Variants in FHIT observed in about 807,000 individuals in gnomAD.
FHIT encodes the protein bis(5'-adenosyl)-triphosphatase.
In FHIT, 19 loss-of-function variants were observed where a neutral mutation model predicts 17.9. The ratio of observed to expected loss-of-function variants is 1.06; its 90% CI spans 0.74 to 1.56. The LOEUF (loss-of-function observed/expected upper bound fraction) is 1.56, where lower values mean the gene tolerates loss of function less well. Among genes scored for constraint, FHIT ranks in the 40% most tolerant of loss-of-function variants. The pLI is 0.00. For synonymous variants in FHIT, 81 were observed against 69.7 expected, an observed-to-expected ratio of 1.16 and a Z score of -0.81; for missense variants, 248 against 189.2, an observed-to-expected ratio of 1.31 and a Z score of -1.82.
At chr3:60,975,922 C>T (rs1710213181) in intron 3 of FHIT, among the ~76,000 whole-genome samples, 1 of 151,972 alleles carries the variant, frequency 6.6e-6, no homozygotes, top group South Asian at 2.1e-4. Context: ...ATTACCAATG[C>T]CAATTTCAGA....
In FHIT at chr3:60,166,184, T is replaced by C. The variant is rs1325785099; in HGVS notation, c.104-152032A>G. 3.5e-5 allele frequency among the ~76,000 whole-genome samples: 5 copies of C among 143,704 alleles called. No individual in the cohort carries two copies. The East Asian group carries it at 6.2e-4, about 18-fold the overall frequency. The allele number at this position is 143,704 out of a possible 152,430, so 94.3% of individuals were successfully genotyped here. A position where few individuals can be genotyped will look rare whatever the true frequency, so the allele number is the denominator to read the frequency against. Reference sequence around the variant, plus strand: ...GGACTGTTTTTCCATAATTTGGGCTTGAAAAAAAATAGGGTTGTCAAAGCA... The same window carrying C: ...GGACTGTTTTTCCATAATTTGGGCTCGAAAAAAAATAGGGTTGTCAAAGCA... On this transcript the variant is annotated intron_variant, in intron 5 of 9. Transcript: ENST00000492590.
chr3:60,364,224 T>A (rs1353843586), intron 5 of FHIT, among the ~76,000 whole-genome samples: 1 of 152,250 alleles, frequency 6.6e-6, no homozygotes, highest in South Asian at 2.1e-4. Flanking sequence ...TCCATGCTTT[T>A]CTACACCTCT....
At chr3:60,096,506 T>C (rs1032123377) in intron 5 of FHIT, among the ~76,000 whole-genome samples, 11 of 152,210 alleles carry the variant, frequency 7.2e-5, no homozygotes, top group African/African-American at 1.4e-4. Context: ...ACCAGCAGTC[T>C]GGTCTTTCAG....
At chr3:60,633,663 T>C (rs1358491226) in intron 4 of FHIT, among the ~76,000 whole-genome samples, 4 of 152,206 alleles carry the variant, frequency 2.6e-5, no homozygotes, top group African/African-American at 9.6e-5. Context: ...GGAAACTGTA[T>C]GCTACTCGCA....
intron 5 of FHIT, among the ~76,000 whole-genome samples, chr3:60,199,695 T>A (rs561508118): frequency 6.6e-6 from 1 of 152,132 alleles, no homozygotes; most frequent in African/African-American, 2.4e-5. Flanking sequence ...ATATTTAAAT[T>A]TCCAGAACAT....
chr3:60,556,969 T>C (rs959014073), intron 4 of FHIT, among the ~76,000 whole-genome samples: 4 of 152,206 alleles, frequency 2.6e-5, no homozygotes, highest in Non-Finnish European at 5.9e-5. Flanking sequence ...CAAGGACATC[T>C]CCTGATGATA....
intron 5 of FHIT, among the ~76,000 whole-genome samples, chr3:60,109,844 G>T (rs1704593308): frequency 6.6e-6 from 1 of 152,134 alleles, no homozygotes. Context: ...CTGACCCACA[G>T]TAGCAGCCAA....
chr3:59,830,092 CA>C (rs1158006843), intron 8 of FHIT, among the ~76,000 whole-genome samples: 1 of 151,944 alleles, frequency 6.6e-6, no homozygotes, highest in Non-Finnish European at 1.5e-5. Flanking sequence ...CAAAACAAAA[CA>C]ACCCCCCCCT....
At chr3:60,204,589 C>A (rs571621968) in intron 5 of FHIT, among the ~76,000 whole-genome samples, 2 of 120,456 alleles carry the variant, frequency 1.7e-5, no homozygotes, top group South Asian at 4.9e-4. Flanking sequence ...CCCTTCCCAG[C>A]CTGAAAAGGT....
At chr3:60,890,841 A>G (rs918881601) in intron 3 of FHIT, among the ~76,000 whole-genome samples, 4 of 152,174 alleles carry the variant, frequency 2.6e-5, no homozygotes, top group Admixed American at 2.0e-4. Context: ...CCTTCAGGCA[A>G]CTTGGAGCCT....
chr3:61,099,722 C>G (rs1031249670), intron 2 of FHIT, among the ~76,000 whole-genome samples: 1 of 152,044 alleles, frequency 6.6e-6, no homozygotes, highest in Admixed American at 6.6e-5. Flanking sequence ...ATAATATACT[C>G]TGATAGTTAT....
At chr3:60,851,594 G>A (rs1354505522) in intron 3 of FHIT, among the ~76,000 whole-genome samples, 1 of 152,094 alleles carries the variant, frequency 6.6e-6, no homozygotes, top group African/African-American at 2.4e-5. Context: ...ATTGGCAAAA[G>A]TTCAATGCAC....
chr3:59,760,278 AAAGT>A (rs1178292105), intron 8 of FHIT, among the ~76,000 whole-genome samples: 1 of 152,194 alleles, frequency 6.6e-6, no homozygotes, highest in Non-Finnish European at 1.5e-5. Flanking sequence ...GTAACCCCCA[AAAGT>A]AAGTATTAAC....
chr3:60,162,540 T>G (rs760535398), intron 5 of FHIT, among the ~76,000 whole-genome samples: 1 of 152,206 alleles, frequency 6.6e-6, no homozygotes, highest in Non-Finnish European at 1.5e-5. Context: ...CATCTGGTTT[T>G]CTTCTGATAG....
At chr3:59,823,732 G>A (rs1559637592) in intron 8 of FHIT, among the ~76,000 whole-genome samples, 1 of 152,130 alleles carries the variant, frequency 6.6e-6, no homozygotes, top group Non-Finnish European at 1.5e-5. Context: ...CAAACCCACA[G>A]CCAACATAAT....
chr3:59,989,115 A>G (rs1709114202), intron 7 of FHIT, among the ~76,000 whole-genome samples: 1 of 152,024 alleles, frequency 6.6e-6, no homozygotes, highest in Non-Finnish European at 1.5e-5. Flanking sequence ...TGGAAATTGG[A>G]AAAAATAGAT....
chr3:60,189,177 G>C (rs981494378), intron 5 of FHIT, among the ~76,000 whole-genome samples: 1 of 150,162 alleles, frequency 6.7e-6, no homozygotes, highest in African/African-American at 2.5e-5. Context: ...TTTTTTCTCT[G>C]ACAAGTCAAA....
rs1699424204 is a variant in FHIT at position 59,788,881 on chromosome 3, G to GGTTTTTTTTTTTTTTTTTT, written c.349-36561_349-36560insAAAAAAAAAAAAAAAAAAC. ...ACCACGTTCTTTGCTGAGTTCATATGTTTTTTTTTTTTACCCCATCTCCAA... is the reference window on the plus strand; with the variant it reads ...ACCACGTTCTTTGCTGAGTTCATATGGTTTTTTTTTTTTTTTTTTTTTTTTTTTTTTACCCCATCTCCAA... On this transcript the variant is annotated intron_variant, in intron 8 of 9. Transcript: ENST00000492590. Among the ~76,000 whole-genome samples, 4 of 86,840 alleles carry GGTTTTTTTTTTTTTTTTTT rather than the reference G, an allele frequency of 4.6e-5. No homozygotes were observed. In the South Asian group the frequency reaches 1.9e-3, roughly 40 times the overall value. 57.0% of individuals were successfully genotyped at this position (86,840 alleles called of 152,430 possible).
At chr3:59,941,865 G>C (rs1706536310) in intron 7 of FHIT, among the ~76,000 whole-genome samples, 1 of 152,188 alleles carries the variant, frequency 6.6e-6, no homozygotes, top group Non-Finnish European at 1.5e-5. Context: ...GGCTGAGGAT[G>C]AAGTGGGTTG....
Sources: allele counts gnomAD v4.1 joint callset (sites outside exome capture counted in the v4.1 genomes callset), GRCh38; gene constraint gnomAD v4.1.1; transcripts MANE v1.5; gene names NCBI Gene and HGNC (gene_info 2026-07-23, HGNC 2026-07-21).